The following GLRB variants were observed in gnomAD, a reference collection of about 807,000 sequenced individuals.
GLRB encodes glycine receptor subunit beta.
A neutral mutation model predicts 54.2 loss-of-function variants in GLRB; 33 were observed. That is an observed-to-expected ratio of 0.61 (90% CI 0.46 to 0.81). GLRB has a LOEUF of 0.81. GLRB is among the 40% of genes least tolerant of loss of function. The pLI is 0.00. For synonymous variants in GLRB, 209 were observed against 208.2 expected (o/e 1.00, Z -0.03); for missense variants, 572 against 584.6 (o/e 0.98, Z 0.22).
intron 4 of GLRB, among the ~76,000 whole-genome samples, chr4:157,134,766 T>C (rs1297481888): frequency 3.3e-5 from 5 of 152,060 alleles, no homozygotes; most frequent in African/African-American, 1.2e-4. Context: ...AGGTATATGA[T>C]AAGAAAAATA....
Position 157,171,614 on chromosome 4 carries a change from A to G in GLRB, c.*886A>G, listed in dbSNP as rs1346858409. ...ATTTTTAAGAAACCAAGGGGAAGTA[A>G]TAAGTTGAAAAAGAAATCCATAACT... is the stretch of plus-strand genomic sequence containing the variant. On this transcript the variant is annotated 3_prime_UTR_variant, in exon 10 of 10. Coordinates refer to ENST00000264428, the MANE Select transcript of GLRB (RefSeq NM_000824.5). The G allele has an allele frequency of 6.6e-6, 1 of 152,326 alleles. No homozygotes were observed. Among genetic ancestry groups the G allele is most frequent in the East Asian group, 1.9e-4 (1 of 5,194 alleles). 9.4% of individuals were successfully genotyped at this position (152,326 alleles called of 1,614,324 possible).
chr4:157,143,963 A>T lies in GLRB; in HGVS notation c.904+4A>T, dbSNP rs76714257. The T allele has an allele frequency of 4.8e-3, 7,702 of 1,613,586 alleles. 285 individuals are homozygous for T. In the African/African-American group the frequency reaches 0.086, roughly 18 times the overall value. On this transcript the variant is annotated splice_donor_region_variant and intron_variant, in intron 8 of 9. Coordinates refer to ENST00000264428, the MANE Select transcript of GLRB (RefSeq NM_000824.5). ...AGTGCTGCCAGAGTGCCCCTGGGTA[A>T]GGTGTTCCATGCTTTTTTGTCACAT...
At chr4:157,084,993 T>C (rs1347467990) in intron 2 of GLRB, among the ~76,000 whole-genome samples, 2 of 152,218 alleles carry the variant, frequency 1.3e-5, no homozygotes, top group Admixed American at 6.5e-5. Context: ...TTATCACTGT[T>C]ACATATCTAG....
chr4:157,117,342 C>CA (rs1365407409), intron 2 of GLRB, among the ~76,000 whole-genome samples: 1 of 151,682 alleles, frequency 6.6e-6, no homozygotes, highest in Admixed American at 6.6e-5. Flanking sequence ...ACCATGTACT[C>CA]TACAGGTTCA....
intron 4 of GLRB, among the ~76,000 whole-genome samples, chr4:157,136,206 A>G (rs1736392646): frequency 1.3e-5 from 2 of 152,174 alleles, no homozygotes; most frequent in Non-Finnish European, 2.9e-5. Context: ...AAGGTAAAGG[A>G]ACTATCAACA....
At chr4:157,087,175 T>C (rs368644449) in intron 2 of GLRB, among the ~76,000 whole-genome samples, 5 of 152,132 alleles carry the variant, frequency 3.3e-5, no homozygotes, top group Non-Finnish European at 7.4e-5. Flanking sequence ...AAATTAATTT[T>C]TTGATGGGAT....
intron 2 of GLRB, among the ~76,000 whole-genome samples, chr4:157,082,964 TTA>T (rs58330518): frequency 0.22 from 30,881 of 139,356 alleles, 3,334 homozygotes; most frequent in East Asian, 0.29. Flanking sequence ...GAATAGTGTT[TTA>T]TATATATATA....
In GLRB at chr4:157,170,888, G is replaced by A. The variant is rs57601959; in HGVS notation, c.*160G>A. On this transcript the variant is annotated 3_prime_UTR_variant, in exon 10 of 10. Coordinates refer to ENST00000264428, the MANE Select transcript of GLRB (RefSeq NM_000824.5). ...TGTGGCACCTTAATTTTGAATGGCA[G>A]CATGATCATGTAATATCTGTGCTCT... The A allele has an allele frequency of 0.058, 32,630 of 565,468 alleles. 1,250 individuals carry two copies. Among genetic ancestry groups the A allele is most frequent in the South Asian group, 0.1 (4,121 of 40,688 alleles). The allele number at this position is 565,468 out of a possible 1,614,324, so 35.0% of individuals were successfully genotyped here.
At chr4:157,114,606 C>A (rs1307292054) in intron 2 of GLRB, among the ~76,000 whole-genome samples, 1 of 151,668 alleles carries the variant, frequency 6.6e-6, no homozygotes, top group African/African-American at 2.4e-5. Context: ...TTCCAGGATA[C>A]TATGTTACAT....
At chr4:157,155,288 A>C (rs1737184227) in intron 9 of GLRB, among the ~76,000 whole-genome samples, 1 of 152,154 alleles carries the variant, frequency 6.6e-6, no homozygotes, top group East Asian at 1.9e-4. Flanking sequence ...GCCACACCAC[A>C]CTTGGCTAAG....
chr4:157,083,603 T>C (rs1414467243), intron 2 of GLRB, among the ~76,000 whole-genome samples: 4 of 152,148 alleles, frequency 2.6e-5, no homozygotes, highest in African/African-American at 4.8e-5. Context: ...TTCTAATACA[T>C]TGTGTTTGAT....
chr4:157,135,078 T>C (rs754703313), intron 4 of GLRB, among the ~76,000 whole-genome samples: 2 of 152,078 alleles, frequency 1.3e-5, no homozygotes, highest in Admixed American at 6.6e-5. Flanking sequence ...TAGTAATATA[T>C]TTCTAACAAC....
intron 2 of GLRB, among the ~76,000 whole-genome samples, chr4:157,105,757 T>A (rs1735200190): frequency 6.6e-6 from 1 of 152,082 alleles, no homozygotes; most frequent in African/African-American, 2.4e-5. Context: ...CCTTTTATCA[T>A]TATGTAATGT....
intron 7 of GLRB, among the ~76,000 whole-genome samples, chr4:157,139,207 A>T (rs1436084178): frequency 1.3e-5 from 2 of 152,138 alleles, no homozygotes; most frequent in African/African-American, 4.8e-5. Context: ...TTATGTTAGT[A>T]ATGAAAACTC....
chr4:157,135,567 A>G (rs1229730088), intron 4 of GLRB, among the ~76,000 whole-genome samples: 2 of 152,072 alleles, frequency 1.3e-5, no homozygotes, highest in African/African-American at 4.8e-5. Context: ...CATGTAAATC[A>G]TGCCTTTGCT....
rs749199686 is a variant in GLRB at position 157,170,615 on chromosome 4, C to T, written c.1381C>T (p.Pro461Ser). The change falls in exon 10 of 10, where the codon CCT becomes TCT. Residue 461 changes from proline to serine, a missense_variant. Transcript: ENST00000264428. ...GGCTAAGAACAACAAGAAGCCTCCC[C>T]CTGCGAAACCTGTTATTCCAACAGC... ...SQAKNNKKPP[P>S]AKPVIPTAAK... is the part of the protein sequence containing the mutation. The T allele has an allele frequency of 1.2e-6, 2 of 1,612,654 alleles. No homozygotes were observed. The highest frequency in any genetic ancestry group is 8.5e-7 in the Non-Finnish European group (1 of 1,178,904).
At chr4:157,088,269 T>G (rs1466060958) in intron 2 of GLRB, among the ~76,000 whole-genome samples, 5 of 151,280 alleles carry the variant, frequency 3.3e-5, no homozygotes, top group Admixed American at 6.6e-5. Context: ...TGTTTAACTC[T>G]CAGTGATACC....
intron 9 of GLRB, among the ~76,000 whole-genome samples, chr4:157,153,436 C>G (rs1381247253): frequency 6.6e-6 from 1 of 152,128 alleles, no homozygotes; most frequent in East Asian, 1.9e-4. Context: ...GAAGCCCATG[C>G]TCATGATTAA....
At position 157,111,799 on chromosome 4, in the gene GLRB, A is replaced by G. The variant is rs111405597; in HGVS notation, c.123-8757A>G. Among the ~76,000 whole-genome samples the G allele has an allele frequency of 3.7e-3, 563 of 151,880 alleles. 2 individuals are homozygous for G. The highest frequency in any genetic ancestry group is 6.2e-3 in the Non-Finnish European group (420 of 67,902). Reference sequence around the variant, plus strand: ...TTCTTCACCTACTACTTACTATACTATCCACTCCAATCTAGCCTCTTTCTC... The same window carrying G: ...TTCTTCACCTACTACTTACTATACTGTCCACTCCAATCTAGCCTCTTTCTC... On this transcript the variant is annotated intron_variant, in intron 2 of 9. Coordinates refer to ENST00000264428, the MANE Select transcript of GLRB (RefSeq NM_000824.5).
Sources: gnomAD v4.1 joint callset for allele counts (sites outside exome capture counted in the v4.1 genomes callset) on GRCh38, gnomAD v4.1.1 for gene constraint, MANE v1.5 for transcripts, NCBI Gene and HGNC (gene_info 2026-07-23, HGNC 2026-07-21) for gene names.